The following LRRC4C variants were observed in gnomAD, a reference collection of about 807,000 sequenced individuals.
The protein encoded by LRRC4C is leucine rich repeat containing 4C, also known as leucine-rich repeat-containing protein 4C.
LRRC4C carries 5 observed loss-of-function variants against 33.6 expected under a neutral mutation model. That is an observed-to-expected ratio of 0.15 (90% CI 0.08 to 0.31). LRRC4C has a LOEUF of 0.31. LRRC4C is among the 10% of genes least tolerant of loss of function. LRRC4C has a pLI of 1.00. For missense variants in LRRC4C, 560 were observed against 796.7 expected, an observed-to-expected ratio of 0.70 and a Z score of 3.58; for synonymous variants, 329 against 302.0, an observed-to-expected ratio of 1.09 and a Z score of -0.93.
intron 1 of LRRC4C, among the ~76,000 whole-genome samples, chr11:41,091,774 A>T (rs1226002289): frequency 6.6e-6 from 1 of 152,130 alleles, no homozygotes; most frequent in Non-Finnish European, 1.5e-5. Flanking sequence ...AATAGTTAAC[A>T]TTTTTGAACA....
intron 1 of LRRC4C, among the ~76,000 whole-genome samples, chr11:41,302,102 A>G (rs984950865): frequency 6.6e-6 from 1 of 152,248 alleles, no homozygotes; most frequent in South Asian, 2.1e-4. Context: ...TTCAAACAAC[A>G]TATATTTAAA....
intron 1 of LRRC4C, among the ~76,000 whole-genome samples, chr11:41,057,927 C>A (rs906618587): frequency 6.6e-6 from 1 of 152,172 alleles, no homozygotes; most frequent in Non-Finnish European, 1.5e-5. Flanking sequence ...ACCCTGGGAA[C>A]AGAAAGGAGC....
At chr11:40,161,803 A>C (rs1301727893) in intron 5 of LRRC4C, among the ~76,000 whole-genome samples, 2 of 152,254 alleles carry the variant, frequency 1.3e-5, no homozygotes, top group East Asian at 3.9e-4. Flanking sequence ...TCTGTCATAT[A>C]ATCTAGGAAA....
intron 1 of LRRC4C, among the ~76,000 whole-genome samples, chr11:41,166,181 A>G (rs1944718533): frequency 1.3e-5 from 2 of 152,322 alleles, no homozygotes; most frequent in South Asian, 4.1e-4. Flanking sequence ...GGTGCTCCAT[A>G]TTAAATTGCA....
At chr11:40,582,082 A>C (rs1164673778) in intron 3 of LRRC4C, among the ~76,000 whole-genome samples, 1 of 152,180 alleles carries the variant, frequency 6.6e-6, no homozygotes, top group Non-Finnish European at 1.5e-5. Context: ...ATTTCAGCCA[A>C]ACAGAAAATA....
rs79505974 is a variant in LRRC4C at position 41,146,930 on chromosome 11, G to A, written c.-495-213207C>T. Among the ~76,000 whole-genome samples, 257 of 152,222 alleles carry A rather than the reference G, an allele frequency of 1.7e-3. 1 individual carries two copies. The highest frequency in any genetic ancestry group is 5.7e-3 in the African/African-American group (236 of 41,528). On this transcript the variant is annotated intron_variant, in intron 1 of 6. Coordinates refer to ENST00000528697, the MANE Select transcript of LRRC4C (RefSeq NM_001258419.2). ...AACACATGAAAAATTCTGGGTTCAG[G>A]GTTGAAACAGATTAGTCATATTGAA... is the stretch of plus-strand genomic sequence containing the variant.
At chr11:40,157,848 G>A (rs2169475) in intron 5 of LRRC4C, among the ~76,000 whole-genome samples, 3,263 of 152,206 alleles carry the variant, frequency 0.021, 115 homozygotes, top group African/African-American at 0.074. Context: ...AAAACAGTGT[G>A]GAGATTCCTT....
At chr11:40,457,212 T>G (rs967163935) in intron 3 of LRRC4C, among the ~76,000 whole-genome samples, 45 of 151,364 alleles carry the variant, frequency 3.0e-4, no homozygotes, top group African/African-American at 9.9e-4. Context: ...TGTTGATTGA[T>G]ATGAAGTAGA....
intron 2 of LRRC4C, among the ~76,000 whole-genome samples, chr11:40,804,984 C>T (rs573051797): frequency 6.6e-6 from 1 of 152,184 alleles, no homozygotes; most frequent in Non-Finnish European, 1.5e-5. Context: ...CTTGGCTTGG[C>T]CACCCAGTGT....
intron 5 of LRRC4C, among the ~76,000 whole-genome samples, chr11:40,198,541 T>C (rs972022105): frequency 7.2e-5 from 11 of 152,242 alleles, no homozygotes; most frequent in Admixed American, 7.2e-4. Flanking sequence ...TATTTATTTA[T>C]TTATTCCTTT....
chr11:41,332,755 A>C (rs762531737), intron 1 of LRRC4C, among the ~76,000 whole-genome samples: 1 of 152,210 alleles, frequency 6.6e-6, no homozygotes, highest in Non-Finnish European at 1.5e-5. Flanking sequence ...TCGGTTCAGC[A>C]TTCTATTAGC....
chr11:41,128,161 G>A (rs984642061), intron 1 of LRRC4C, among the ~76,000 whole-genome samples: 5 of 151,980 alleles, frequency 3.3e-5, no homozygotes, highest in Non-Finnish European at 7.4e-5. Context: ...ACTATAATGA[G>A]TATCATTCAG....
chr11:40,425,178 C>A (rs1950666348), intron 3 of LRRC4C, among the ~76,000 whole-genome samples: 1 of 151,624 alleles, frequency 6.6e-6, no homozygotes, highest in Non-Finnish European at 1.5e-5. Context: ...GATGTTAAAT[C>A]ATATCAGGAT....
chr11:40,634,280 A>C (rs1480188456), intron 3 of LRRC4C, among the ~76,000 whole-genome samples: 1 of 152,234 alleles, frequency 6.6e-6, no homozygotes, highest in Non-Finnish European at 1.5e-5. Context: ...AGTATGCTTA[A>C]AGAAGCTTCG....
intron 3 of LRRC4C, among the ~76,000 whole-genome samples, chr11:40,430,687 T>A (rs1236144388): frequency 6.6e-6 from 1 of 152,100 alleles, no homozygotes; most frequent in Admixed American, 6.5e-5. Flanking sequence ...AAGTCCCAAT[T>A]ACTGACAACC....
chr11:40,587,070 T>C (rs897845326), intron 3 of LRRC4C, among the ~76,000 whole-genome samples: 2 of 151,880 alleles, frequency 1.3e-5, no homozygotes, highest in African/African-American at 2.4e-5. Flanking sequence ...TTGGGCAGTA[T>C]GGCCATTTTC....
intron 3 of LRRC4C, among the ~76,000 whole-genome samples, chr11:40,404,596 G>T (rs1307543722): frequency 6.6e-6 from 1 of 151,836 alleles, no homozygotes; most frequent in Non-Finnish European, 1.5e-5. Context: ...ATTATGTTAT[G>T]CCCACTTTTT....
chr11:41,401,831 T>C (rs1954037041), intron 1 of LRRC4C, among the ~76,000 whole-genome samples: 2 of 152,002 alleles, frequency 1.3e-5, no homozygotes, highest in African/African-American at 4.8e-5. Context: ...AGAGCCATTG[T>C]AGGTCTTGTT....
chr11:40,483,820 C>CAT (rs761729569), intron 3 of LRRC4C, among the ~76,000 whole-genome samples: 14 of 149,916 alleles, frequency 9.3e-5, no homozygotes, highest in South Asian at 2.1e-4. Flanking sequence ...TATGTATATA[C>CAT]ATATATATAT....
Sources: gnomAD v4.1 joint callset for allele counts (sites outside exome capture counted in the v4.1 genomes callset) on GRCh38, gnomAD v4.1.1 for gene constraint, MANE v1.5 for transcripts, NCBI Gene and HGNC (gene_info 2026-07-23, HGNC 2026-07-21) for gene names.